Variants in PUM1 observed in about 807,000 individuals in gnomAD.
The protein encoded by PUM1 is pumilio RNA binding family member 1.
PUM1 carries 13 observed loss-of-function variants against 131.8 expected under a neutral mutation model. The observed-to-expected ratio is 0.10, with a 90% confidence interval of 0.06 to 0.16. PUM1 has a LOEUF of 0.16. PUM1 is among the 10% of genes least tolerant of loss of function. The probability of loss-of-function intolerance (pLI) is 1.00; values close to 1 mark genes in which losing one functional copy is unlikely to be tolerated. For missense variants in PUM1, 961 were observed against 1,512.4 expected, an observed-to-expected ratio of 0.64 and a Z score of 6.05; for synonymous variants, 509 against 556.5, an observed-to-expected ratio of 0.91 and a Z score of 1.20.
intron 20 of PUM1, among the ~76,000 whole-genome samples, chr1:30,939,456 T>C (rs1338952243): frequency 3.3e-5 from 5 of 152,222 alleles, no homozygotes; most frequent in Non-Finnish European, 7.3e-5. Context: ...GCCCTGAGGA[T>C]TGCCTATTCC....
chr1:30,972,718 G>A (rs1277287421), intron 10 of PUM1, among the ~76,000 whole-genome samples: 4 of 150,890 alleles, frequency 2.7e-5, no homozygotes, highest in Non-Finnish European at 4.4e-5. Context: ...AGGTTGCAGC[G>A]AGCCAAGAGC....
intron 6 of PUM1, among the ~76,000 whole-genome samples, chr1:30,993,678 C>T (rs1273536856): frequency 6.6e-6 from 1 of 152,134 alleles, no homozygotes; most frequent in African/African-American, 2.4e-5. Context: ...CAAAATACTG[C>T]TACAGGCTGC....
chr1:31,057,885 T>C (rs532446374), intron 2 of PUM1, among the ~76,000 whole-genome samples: 1 of 152,254 alleles, frequency 6.6e-6, no homozygotes, highest in South Asian at 2.1e-4. Flanking sequence ...CGCTAATCAG[T>C]ACTGACGGGT....
At position 31,018,097 on chromosome 1, in the gene PUM1, T is replaced by A. The variant is rs185137642; in HGVS notation, c.432+10699A>T. Among the ~76,000 whole-genome samples the A allele has an allele frequency of 1.6e-4, 25 of 152,318 alleles. No homozygotes were observed. The East Asian group carries it at 4.8e-3, about 29-fold the overall frequency. On this transcript the variant is annotated intron_variant, in intron 3 of 21. Coordinates refer to ENST00000426105, the MANE Select transcript of PUM1 (RefSeq NM_001020658.2). Reference sequence around the variant, plus strand: ...CAGGCGCGGTGGCTCATGCCTGAATTACCAGCACTTTGGGAGGCCGAGGTG... The same window carrying A: ...CAGGCGCGGTGGCTCATGCCTGAATAACCAGCACTTTGGGAGGCCGAGGTG...
chr1:31,026,839 T>G lies in PUM1; in HGVS notation c.432+1957A>C, dbSNP rs146893055. Among the ~76,000 whole-genome samples, 138 of 151,668 alleles carry G rather than the reference T, an allele frequency of 9.1e-4. No individual in the cohort carries two copies. The East Asian group carries it at 0.025, about 27-fold the overall frequency. ...GGTAGTTGTTACTGTTACTTGTGAA[T>G]AGTGGGGAAAGGAAGAAGAATGACA... On this transcript the variant is annotated intron_variant, in intron 3 of 21. Transcript: ENST00000426105.
intron 18 of PUM1, among the ~76,000 whole-genome samples, chr1:30,944,904 C>T (rs1639605318): frequency 6.6e-6 from 1 of 152,188 alleles, no homozygotes; most frequent in African/African-American, 2.4e-5. Flanking sequence ...AGGTACCTGA[C>T]AGTACTATAC....
intron 2 of PUM1, among the ~76,000 whole-genome samples, chr1:31,047,658 A>G (rs967716453): frequency 3.9e-5 from 6 of 152,168 alleles, no homozygotes; most frequent in African/African-American, 1.4e-4. Context: ...ATAACATCCC[A>G]CTGGCTGGGC....
At chr1:31,019,119 G>A (rs1442348652) in intron 3 of PUM1, among the ~76,000 whole-genome samples, 1 of 152,166 alleles carries the variant, frequency 6.6e-6, no homozygotes. Context: ...TTGGGAGGCT[G>A]AGGCGAGCGA....
Position 31,053,170 on chromosome 1 carries a change from C to T in PUM1, c.363+6034G>A, listed in dbSNP as rs539923131. ...TACAGGCACGTGCCACCACACCTGG[C>T]TAATTTTTGTATTTTTAGTAGAGAC... On this transcript the variant is annotated intron_variant, in intron 2 of 21. Transcript: ENST00000426105. 4.0e-5 allele frequency among the ~76,000 whole-genome samples: 6 copies of T among 151,456 alleles called. No homozygotes were observed. The South Asian group carries it at 6.3e-4, about 16-fold the overall frequency.
intron 2 of PUM1, among the ~76,000 whole-genome samples, chr1:31,031,766 C>T (rs1049025782): frequency 6.6e-6 from 1 of 152,208 alleles, no homozygotes; most frequent in African/African-American, 2.4e-5. Flanking sequence ...AAAACTTGCT[C>T]ATCCTGCCCT....
chr1:31,012,082 C>T (rs1642640027), intron 3 of PUM1, among the ~76,000 whole-genome samples: 1 of 152,150 alleles, frequency 6.6e-6, no homozygotes, highest in South Asian at 2.1e-4. Context: ...CTAAAAACAC[C>T]CAAGTAATCT....
Position 30,952,341 on chromosome 1 carries a change from G to A in PUM1, c.2614C>T (p.Arg872Cys), listed in dbSNP as rs759806574. The A allele has an allele frequency of 1.4e-5, 23 of 1,613,170 alleles. No homozygotes were observed. The highest frequency in any genetic ancestry group is 2.0e-5 in the Non-Finnish European group (23 of 1,179,184). Residue 872 changes from arginine (R) to cysteine (C), a missense_variant, in exon 16 of 22, where the codon CGT (arginine) becomes TGT (cysteine). By Grantham distance (180) the Arg-to-Cys change is radical. Around this residue, in one of 4 missense-constraint regions of PUM1, gnomAD observed 117 missense variants for 200.7 expected, o/e 0.58. Coordinates refer to ENST00000426105, the MANE Select transcript of PUM1 (RefSeq NM_001020658.2). ...GSRFIQLKLE[R>C]ATPAERQLVF... The stretch of plus-strand genomic sequence containing the variant: ...AGCTGGCGCTCAGCTGGTGTGGCAC[G>A]CTCCAGTTTCAGCTGAATGAATCTG...
At chr1:30,974,589 C>A in intron 10 of PUM1, 62 bp downstream of exon 10, 1 of 1,458,554 alleles carries the variant, frequency 6.9e-7, no homozygotes. Flanking sequence ...GCAATATTAC[C>A]TATTAATTAT....
chr1:31,065,555 G>A, intron 1 of PUM1, 61 bp downstream of exon 1: 5 of 1,524,484 alleles, frequency 3.3e-6, no homozygotes, highest in Non-Finnish European at 4.4e-6. Context: ...AATATGAAGG[G>A]ACAATCTGCT....
intron 2 of PUM1, among the ~76,000 whole-genome samples, chr1:31,054,365 T>C (rs1265580787): frequency 6.6e-6 from 1 of 151,790 alleles, no homozygotes; most frequent in Non-Finnish European, 1.5e-5. Flanking sequence ...CAATTGCTCT[T>C]AAATGGGAGT....
intron 14 of PUM1, among the ~76,000 whole-genome samples, chr1:30,961,180 G>A (rs1447435762): frequency 1.3e-5 from 2 of 151,374 alleles, no homozygotes; most frequent in South Asian, 2.1e-4. Context: ...GCCACAGAGT[G>A]AAACTCTATC....
At chr1:31,000,737 C>T (rs979208899) in intron 5 of PUM1, among the ~76,000 whole-genome samples, 3 of 152,168 alleles carry the variant, frequency 2.0e-5, no homozygotes, top group African/African-American at 7.2e-5. Flanking sequence ...GCTTGACACA[C>T]TGAGTCCAAA....
chr1:30,973,234 C>A (rs1456334667), intron 10 of PUM1, among the ~76,000 whole-genome samples: 1 of 133,646 alleles, frequency 7.5e-6, no homozygotes, highest in Non-Finnish European at 1.6e-5. Flanking sequence ...TTTTTTTTTT[C>A]TGTAATTGTG....
At chr1:31,008,869 C>A (rs1285706782) in intron 3 of PUM1, among the ~76,000 whole-genome samples, 5 of 151,950 alleles carry the variant, frequency 3.3e-5, no homozygotes, top group Non-Finnish European at 7.4e-5. Flanking sequence ...CTTTTAGTCT[C>A]AAAAATGTCC....
Sources: gnomAD v4.1 joint callset for allele counts (sites outside exome capture counted in the v4.1 genomes callset) on GRCh38, gnomAD v4.1.1 for gene constraint, gnomAD v4.1.1 regional missense constraint, MANE v1.5 for transcripts, NCBI Gene and HGNC (gene_info 2026-07-23, HGNC 2026-07-21) for gene names.